The following ARRB1 variants were observed in gnomAD, a reference collection of about 807,000 sequenced individuals.
The protein encoded by ARRB1 is arrestin beta 1, also known as beta-arrestin-1.
A neutral mutation model predicts 56.8 loss-of-function variants in ARRB1; 21 were observed. The ratio of observed to expected loss-of-function variants is 0.37; its 90% CI spans 0.26 to 0.53. ARRB1 has a LOEUF of 0.53. Among genes scored for constraint, ARRB1 ranks in the 20% least tolerant of loss-of-function variants. The pLI is 0.88. For synonymous variants in ARRB1, 210 were observed against 218.6 expected, an observed-to-expected ratio of 0.96 and a Z score of 0.35; for missense variants, 424 against 553.7, an observed-to-expected ratio of 0.77 and a Z score of 2.35.
At chr11:75,347,331 C>T (rs1947785884) in intron 1 of ARRB1, among the ~76,000 whole-genome samples, 1 of 152,190 alleles carries the variant, frequency 6.6e-6, no homozygotes, top group Non-Finnish European at 1.5e-5. Context: ...ATGGGTCACA[C>T]AGGGCTTAAC....
intron 1 of ARRB1, among the ~76,000 whole-genome samples, chr11:75,302,541 G>T (rs1946928902): frequency 6.6e-6 from 1 of 152,204 alleles, no homozygotes. Context: ...GGGCTGAGAT[G>T]CAGGAAGAGA....
chr11:75,333,050 G>A (rs1354686609), intron 1 of ARRB1, among the ~76,000 whole-genome samples: 4 of 152,224 alleles, frequency 2.6e-5, no homozygotes, highest in South Asian at 2.1e-4. Flanking sequence ...GTTGTACCCC[G>A]ACCACCTTGG....
intron 1 of ARRB1, among the ~76,000 whole-genome samples, chr11:75,308,637 C>T (rs536851636): frequency 7.2e-5 from 11 of 151,966 alleles, no homozygotes; most frequent in Admixed American, 2.6e-4. Context: ...GCCAGCTATT[C>T]GGGAGGCTGA....
chr11:75,267,794 C>G, intron 14 of ARRB1, 91 bp from the exon 15 acceptor site: 3 of 1,115,904 alleles, frequency 2.7e-6, no homozygotes, highest in Admixed American at 1.9e-5. Flanking sequence ...CTGGGACAAC[C>G]AGACTAACAT....
chr11:75,323,465 C>T (rs920361090), intron 1 of ARRB1, among the ~76,000 whole-genome samples: 5 of 152,028 alleles, frequency 3.3e-5, no homozygotes, highest in Admixed American at 2.0e-4. Flanking sequence ...ACTAAAAATA[C>T]AAAAATTAGC....
intron 1 of ARRB1, among the ~76,000 whole-genome samples, chr11:75,323,189 C>T (rs140222589): frequency 6.6e-6 from 1 of 152,300 alleles, no homozygotes; most frequent in Non-Finnish European, 1.5e-5. Flanking sequence ...CCAGAACTGC[C>T]CAGCGGAGCT....
chr11:75,351,503 A>G (rs34867163), intron 1 of ARRB1, 85 bp downstream of exon 1: 189,592 of 1,481,962 alleles, frequency 0.13, 15,200 homozygotes, highest in African/African-American at 0.38. Flanking sequence ...CGAACGCAGA[A>G]CCAGGACGCA....
chr11:75,327,599 G>GGTTTTT (rs55710203), intron 1 of ARRB1, among the ~76,000 whole-genome samples: 1 of 146,688 alleles, frequency 6.8e-6, no homozygotes, highest in African/African-American at 2.5e-5. Context: ...TTTTGTTTTT[G>GGTTTTT]TTTTTTTTTT....
In ARRB1 at chr11:75,273,922, TC is replaced by T. The variant is rs955692985; in HGVS notation, c.914+151del. 3 of 1,233,352 alleles carry T rather than the reference TC, an allele frequency of 2.4e-6. No homozygotes were observed. In the African/African-American group the frequency reaches 4.5e-5, roughly 19 times the overall value. The allele number at this position is 1,233,352 out of a possible 1,614,324, so 76.4% of individuals were successfully genotyped here. Reference sequence around the variant, plus strand: ...TAGGGTTGGGAGTAAGGAGGCAGCTTCCCTGACAAGTCAAGCACCTGAGGAC... The same window carrying T: ...TAGGGTTGGGAGTAAGGAGGCAGCTTCCTGACAAGTCAAGCACCTGAGGAC... On this transcript the variant is annotated intron_variant, in intron 11 of 15. Coordinates refer to ENST00000420843, the MANE Select transcript of ARRB1 (RefSeq NM_004041.5).
At chr11:75,339,716 T>C (rs1812502144) in intron 1 of ARRB1, among the ~76,000 whole-genome samples, 1 of 152,098 alleles carries the variant, frequency 6.6e-6, no homozygotes, top group Non-Finnish European at 1.5e-5. Flanking sequence ...ATCTATTTCC[T>C]CTCTCCCAAT....
At chr11:75,282,062 C>T in intron 5 of ARRB1, 41 bp from the exon 6 acceptor site, 2 of 1,605,748 alleles carry the variant, frequency 1.2e-6, no homozygotes, top group South Asian at 1.1e-5. Context: ...GTCACATCCA[C>T]CACTGTCCTG....
chr11:75,307,175 A>C (rs1263202335), intron 1 of ARRB1, among the ~76,000 whole-genome samples: 1 of 152,134 alleles, frequency 6.6e-6, no homozygotes, highest in Non-Finnish European at 1.5e-5. Flanking sequence ...CAAGTTTATA[A>C]GTGCCCATCT....
chr11:75,282,304 T>C (rs1049300441), intron 5 of ARRB1, among the ~76,000 whole-genome samples: 1 of 152,222 alleles, frequency 6.6e-6, no homozygotes, highest in East Asian at 1.9e-4. Context: ...TCCCCAAAGA[T>C]GTCCACACCC....
At chr11:75,299,223 T>C (rs566046519) in intron 1 of ARRB1, among the ~76,000 whole-genome samples, 2 of 150,022 alleles carry the variant, frequency 1.3e-5, no homozygotes, top group South Asian at 4.2e-4. Context: ...TATTATGGTA[T>C]ATTACATCTC....
At chr11:75,281,485 C>T (rs1046153299) in intron 6 of ARRB1, 4 of 375,000 alleles carry the variant, frequency 1.1e-5, no homozygotes, top group East Asian at 1.0e-4. Flanking sequence ...TGTGCACACC[C>T]GGCCCTGGGT....
chr11:75,310,256 A>G (rs1038894572), intron 1 of ARRB1, among the ~76,000 whole-genome samples: 4 of 152,140 alleles, frequency 2.6e-5, no homozygotes, highest in African/African-American at 9.7e-5. Context: ...AGCCTGCTCC[A>G]GGGTGTTGAG....
chr11:75,350,093 A>C (rs1591999181), intron 1 of ARRB1, among the ~76,000 whole-genome samples: 1 of 152,264 alleles, frequency 6.6e-6, no homozygotes, highest in Non-Finnish European at 1.5e-5. Context: ...TCTAAACATT[A>C]AGAGCCTGAG....
At chr11:75,349,535 C>T (rs933540719) in intron 1 of ARRB1, among the ~76,000 whole-genome samples, 18 of 152,150 alleles carry the variant, frequency 1.2e-4, no homozygotes, top group African/African-American at 4.3e-4. Flanking sequence ...GACACTTATC[C>T]CCCAAGTCAC....
At chr11:75,271,870 C>T (rs2140402957) in intron 12 of ARRB1, 146 bp from the exon 13 acceptor site, 7 of 831,464 alleles carry the variant, frequency 8.4e-6, no homozygotes, top group Non-Finnish European at 1.3e-5. Context: ...CCTGCACAGC[C>T]CTGACTGCTC....
Sources: gnomAD v4.1 joint callset for allele counts (sites outside exome capture counted in the v4.1 genomes callset) on GRCh38, gnomAD v4.1.1 for gene constraint, MANE v1.5 for transcripts, NCBI Gene and HGNC (gene_info 2026-07-23, HGNC 2026-07-21) for gene names.